ZC3H3: variants seen among roughly 807,000 people sequenced by gnomAD.
The protein encoded by ZC3H3 is zinc finger CCCH-type containing 3, also known as zinc finger CCCH domain-containing protein 3.
A neutral mutation model predicts 77.3 loss-of-function variants in ZC3H3; 36 were observed. That is an observed-to-expected ratio of 0.47 (90% confidence interval 0.36 to 0.61). The LOEUF is 0.61. ZC3H3 is among the 20% of genes least tolerant of loss of function. The pLI, the probability that ZC3H3 is intolerant of heterozygous loss-of-function variation, is 0.00. For synonymous variants in ZC3H3, 626 were observed against 555.2 expected, an observed-to-expected ratio of 1.13 and a Z score of -1.79; for missense variants, 1,331 against 1,312.2, an observed-to-expected ratio of 1.01 and a Z score of -0.22.
At position 143,462,719 on chromosome 8, in the gene ZC3H3, A is replaced by G. The variant is rs995159732; in HGVS notation, c.2307+2998T>C. 6.6e-6 allele frequency among the ~76,000 whole-genome samples: 1 copy of G among 152,264 alleles called. No homozygotes were observed. Among genetic ancestry groups the G allele is most frequent in the Non-Finnish European group, 1.5e-5 (1 of 68,044 alleles). On this transcript the variant is annotated intron_variant, in intron 9 of 11. Coordinates refer to ENST00000262577, the MANE Select transcript of ZC3H3 (RefSeq NM_015117.3). The surrounding 1 kb of genome is among the most constrained non-coding windows in gnomAD (Gnocchi z 4.7). ...ACGGCAGCGCGGAGGCTCACGGAGCAGGCACTGCAGATGCAGGAGGGCCAA... is the reference window on the plus strand; with the variant it reads ...ACGGCAGCGCGGAGGCTCACGGAGCGGGCACTGCAGATGCAGGAGGGCCAA...
intron 5 of ZC3H3, among the ~76,000 whole-genome samples, chr8:143,471,972 C>T (rs372673841): frequency 7.2e-5 from 11 of 152,332 alleles, no homozygotes; most frequent in South Asian, 2.1e-4. Context: ...ACCCAAAGGG[C>T]GAGTGCGGCC....
Position 143,530,956 on chromosome 8 carries a change from CTTTTT to C in ZC3H3, c.1561+5296_1561+5300del, listed in dbSNP as rs3058418. ...CCCTTCTGGGGCTGTCTTCTATCTCCTTTTTTTTTTTTTTTTTTTTTGAGACAGGG... is the reference window on the plus strand; with the variant it reads ...CCCTTCTGGGGCTGTCTTCTATCTCCTTTTTTTTTTTTTTTTGAGACAGGG... On this transcript the variant is annotated intron_variant, in intron 3 of 11. Coordinates refer to ENST00000262577, the MANE Select transcript of ZC3H3 (RefSeq NM_015117.3). This position sits in a 1 kb window ranked among gnomAD's most constrained non-coding sequence, Gnocchi z 4.3. 1.5e-5 allele frequency among the ~76,000 whole-genome samples: 2 copies of C among 133,514 alleles called. No individual in the cohort carries two copies. The highest frequency in any genetic ancestry group is 5.9e-5 in the African/African-American group (2 of 34,142). The allele number at this position is 133,514 out of a possible 152,430, so 87.6% of individuals were successfully genotyped here. A position where few individuals can be genotyped will look rare whatever the true frequency, so the allele number is the denominator to read the frequency against.
intron 4 of ZC3H3, among the ~76,000 whole-genome samples, chr8:143,476,706 G>A (rs1403781635): frequency 1.3e-5 from 2 of 152,266 alleles, no homozygotes; most frequent in African/African-American, 2.4e-5. Flanking sequence ...CCATGGGTGC[G>A]CAGGCAGCAA....
At chr8:143,521,299 T>C (rs1244639696) in intron 3 of ZC3H3, among the ~76,000 whole-genome samples, 1 of 152,132 alleles carries the variant, frequency 6.6e-6, no homozygotes, top group Non-Finnish European at 1.5e-5. Context: ...AAGGTGGTGA[T>C]ATGTGGGTGG....
At chr8:143,471,226 C>G in intron 5 of ZC3H3, among the ~76,000 whole-genome samples, 1 of 152,362 alleles carries the variant, frequency 6.6e-6, no homozygotes, top group Middle Eastern at 3.4e-3. Context: ...CTGCTCACAG[C>G]GCGCCCACCA....
intron 9 of ZC3H3, 67 bp downstream of exon 9, chr8:143,465,650 C>A: frequency 1.3e-6 from 2 of 1,594,682 alleles, no homozygotes; most frequent in Non-Finnish European, 1.7e-6. Context: ...GGCAGGTACC[C>A]AGGAGTGAGC....
rs1217850576 is a variant in ZC3H3, at chr8:143,536,290, G to A, written c.1528C>T (p.Pro510Ser). 1.2e-6 allele frequency: 2 copies of A among 1,611,814 alleles called. No individual in the cohort carries two copies. Among genetic ancestry groups the A allele is most frequent in the African/African-American group, 1.3e-5 (1 of 74,884 alleles). ...GTGGGGAGGTGGGCCCGGCTCGGTG[G>A]CAGGCGACATAGTCGGTGCGTGGTG... ...QVTTHRLCRL[P>S]PSRAHLPTKE... The change falls in exon 3 of 12, where the codon CCA becomes TCA. Residue 510 changes from proline to serine, a missense_variant. By Grantham distance (74) the Pro-to-Ser change is moderately conservative (BLOSUM62 -1). This residue lies in a region of ZC3H3 where 978 missense variants were observed against 915.5 expected (regional missense o/e 1.07). Transcript: ENST00000262577.
At chr8:143,534,936 A>T (rs1293377313) in intron 3 of ZC3H3, among the ~76,000 whole-genome samples, 1 of 151,200 alleles carries the variant, frequency 6.6e-6, no homozygotes, top group Admixed American at 6.6e-5. Flanking sequence ...TCCACCTGGG[A>T]CCCAACGCCC....
At chr8:143,505,676 C>T (rs1336848661) in intron 4 of ZC3H3, among the ~76,000 whole-genome samples, 2 of 152,202 alleles carry the variant, frequency 1.3e-5, no homozygotes, top group Admixed American at 6.5e-5. Flanking sequence ...GCAAGGAGGG[C>T]CCCTCACACA....
At chr8:143,451,587 C>A (rs1819988529) in intron 9 of ZC3H3, among the ~76,000 whole-genome samples, 1 of 151,938 alleles carries the variant, frequency 6.6e-6, no homozygotes. Flanking sequence ...AGTTCAAGAC[C>A]AGCCTGGCCA....
chr8:143,463,230 C>G (rs552290011), intron 9 of ZC3H3, among the ~76,000 whole-genome samples: 1 of 151,942 alleles, frequency 6.6e-6, no homozygotes, highest in Non-Finnish European at 1.5e-5. Context: ...GGTGATCCAC[C>G]TGCCTCGGCC....
At chr8:143,525,504 G>A (rs1226727501) in intron 3 of ZC3H3, among the ~76,000 whole-genome samples, 1 of 152,212 alleles carries the variant, frequency 6.6e-6, no homozygotes. Flanking sequence ...CCCACAGCAC[G>A]AAAGGGAGAG....
intron 9 of ZC3H3, among the ~76,000 whole-genome samples, chr8:143,455,267 T>C (rs1281327225): frequency 7.9e-5 from 12 of 151,998 alleles, no homozygotes; most frequent in Non-Finnish European, 1.6e-4. Context: ...TGAGCCAAGA[T>C]TGCACCACTG....
At chr8:143,517,824 C>T (rs949004793) in intron 3 of ZC3H3, among the ~76,000 whole-genome samples, 1 of 152,178 alleles carries the variant, frequency 6.6e-6, no homozygotes, top group Non-Finnish European at 1.5e-5. Context: ...TGAGCTCCCT[C>T]CCCGAATCTC....
intron 9 of ZC3H3, among the ~76,000 whole-genome samples, chr8:143,446,052 C>G (rs1373844683): frequency 6.6e-6 from 1 of 152,150 alleles, no homozygotes; most frequent in Non-Finnish European, 1.5e-5. Flanking sequence ...CCCGCATCCA[C>G]GCAGACCTCA....
intron 11 of ZC3H3, among the ~76,000 whole-genome samples, chr8:143,439,652 C>G (rs1459113553): frequency 6.6e-6 from 1 of 152,236 alleles, no homozygotes; most frequent in Non-Finnish European, 1.5e-5. Context: ...CTGGGGCAGA[C>G]TGCGCAGCGG....
chr8:143,515,366 C>A (rs1201348172), intron 3 of ZC3H3, among the ~76,000 whole-genome samples: 1 of 152,252 alleles, frequency 6.6e-6, no homozygotes, highest in Non-Finnish European at 1.5e-5. Flanking sequence ...CGAGGGGCTG[C>A]AGTGATTAGT....
chr8:143,486,647 T>C (rs73715630), intron 4 of ZC3H3, among the ~76,000 whole-genome samples: 2,778 of 151,698 alleles, frequency 0.018, 79 homozygotes, highest in African/African-American at 0.063. Flanking sequence ...AGACACAGAA[T>C]GGCACCCGCT....
chr8:143,441,410 C>T (rs1819739189), intron 9 of ZC3H3, among the ~76,000 whole-genome samples: 1 of 152,168 alleles, frequency 6.6e-6, no homozygotes, highest in Admixed American at 6.5e-5. Flanking sequence ...AGCCTGCAGC[C>T]AGGCCATGGC....
Sources: gnomAD v4.1 joint callset for allele counts (sites outside exome capture counted in the v4.1 genomes callset) on GRCh38, gnomAD v4.1.1 for gene constraint, gnomAD v4.1.1 regional missense constraint, Gnocchi (gnomAD v3.1) non-coding constraint, MANE v1.5 for transcripts, NCBI Gene and HGNC (gene_info 2026-07-23, HGNC 2026-07-21) for gene names.